The following SLC10A7 variants were observed in gnomAD, a reference collection of about 807,000 sequenced individuals.
SLC10A7 encodes the protein solute carrier family 10 member 7, also known as sodium/bile acid cotransporter 7.
A neutral mutation model predicts 43.2 loss-of-function variants in SLC10A7; 29 were observed. The observed-to-expected ratio is 0.67, with a 90% CI of 0.50 to 0.92. The LOEUF is 0.92. Among genes scored for constraint, SLC10A7 ranks in the 40% least tolerant of loss-of-function variants. The pLI is 0.00. For missense variants in SLC10A7, 295 were observed against 403.2 expected, an observed-to-expected ratio of 0.73 and a Z score of 2.30; for synonymous variants, 152 against 144.8, an observed-to-expected ratio of 1.05 and a Z score of -0.35.
chr4:146,323,020 C>G (rs1369770038), intron 6 of SLC10A7, among the ~76,000 whole-genome samples: 1 of 152,128 alleles, frequency 6.6e-6, no homozygotes, highest in Non-Finnish European at 1.5e-5. Context: ...TAAATGTTTT[C>G]TTCTGAGAAA....
chr4:146,458,886 C>A (rs1319917962), intron 4 of SLC10A7, among the ~76,000 whole-genome samples: 1 of 151,414 alleles, frequency 6.6e-6, no homozygotes, highest in African/African-American at 2.4e-5. Flanking sequence ...CCATGTAATA[C>A]TGAAAGAAAA....
At chr4:146,298,287 C>G (rs1474337311) in intron 7 of SLC10A7, among the ~76,000 whole-genome samples, 1 of 152,182 alleles carries the variant, frequency 6.6e-6, no homozygotes, top group Non-Finnish European at 1.5e-5. Flanking sequence ...GATGATGTTT[C>G]TATCACTGTT....
At chr4:146,477,772 C>T (rs951371093) in intron 4 of SLC10A7, 1 of 152,128 alleles carries the variant, frequency 6.6e-6, no homozygotes, top group African/African-American at 2.4e-5. Flanking sequence ...AGTTGAAATA[C>T]TTGTGCTTAA....
intron 4 of SLC10A7, among the ~76,000 whole-genome samples, chr4:146,468,972 A>G (rs7439492): frequency 0.83 from 125,531 of 152,020 alleles, 52,104 homozygotes; most frequent in East Asian, 0.96. Context: ...AACTTGTATG[A>G]AGAAGGTCTT....
intron 2 of SLC10A7, chr4:146,515,071 T>C (rs749484932): frequency 5.6e-5 from 39 of 700,714 alleles, no homozygotes; most frequent in Non-Finnish European, 9.1e-5. Flanking sequence ...AGAGAAATGC[T>C]GACAGCTGTG....
At chr4:146,393,268 CTTTACATGCATT>C (rs1002602297) in intron 5 of SLC10A7, among the ~76,000 whole-genome samples, 22 of 141,676 alleles carry the variant, frequency 1.6e-4, no homozygotes, top group African/African-American at 5.7e-4. Context: ...ATGCTCCATT[CTTTACATGCATT>C]TTTAAAATTT....
chr4:146,449,933 T>A (rs1731439937), intron 4 of SLC10A7, among the ~76,000 whole-genome samples: 1 of 151,958 alleles, frequency 6.6e-6, no homozygotes, highest in African/African-American at 2.4e-5. Flanking sequence ...TAATCAAAAG[T>A]GACCAGAAAA....
chr4:146,427,940 G>A (rs1729491107), intron 5 of SLC10A7, among the ~76,000 whole-genome samples: 1 of 152,198 alleles, frequency 6.6e-6, no homozygotes, highest in South Asian at 2.1e-4. Context: ...GGAGGTTGAG[G>A]CAGGATAATT....
intron 1 of SLC10A7, among the ~76,000 whole-genome samples, chr4:146,521,132 A>T (rs958627162): frequency 6.6e-6 from 1 of 152,078 alleles, no homozygotes; most frequent in South Asian, 2.1e-4. Flanking sequence ...AACTACAGCA[A>T]ATCATCACTC....
At chr4:146,487,040 T>C (rs924745925) in intron 4 of SLC10A7, among the ~76,000 whole-genome samples, 1 of 152,176 alleles carries the variant, frequency 6.6e-6, no homozygotes, top group African/African-American at 2.4e-5. Flanking sequence ...CCAGTGCAGG[T>C]AATCCTGTTC....
At chr4:146,413,237 A>G (rs922202901) in intron 5 of SLC10A7, among the ~76,000 whole-genome samples, 1 of 152,130 alleles carries the variant, frequency 6.6e-6, no homozygotes, top group African/African-American at 2.4e-5. Flanking sequence ...AGACAGTTTA[A>G]TTCCAATTAT....
chr4:146,390,473 AC>A (rs1738346405), intron 5 of SLC10A7, among the ~76,000 whole-genome samples: 2 of 152,086 alleles, frequency 1.3e-5, no homozygotes, highest in Admixed American at 1.3e-4. Context: ...TACAAAAAAT[AC>A]AAAAAATTAG....
At chr4:146,356,313 A>G (rs1439641507) in intron 5 of SLC10A7, among the ~76,000 whole-genome samples, 1 of 152,150 alleles carries the variant, frequency 6.6e-6, no homozygotes, top group Non-Finnish European at 1.5e-5. Context: ...GTTTTACATA[A>G]TCACTTAATC....
chr4:146,490,307 ATTCATG>A (rs1735278369), intron 4 of SLC10A7, among the ~76,000 whole-genome samples: 1 of 152,212 alleles, frequency 6.6e-6, no homozygotes, highest in East Asian at 1.9e-4. Flanking sequence ...TGCAATGAGT[ATTCATG>A]AGGGCTTATT....
chr4:146,497,648 C>A (rs1206458583), intron 4 of SLC10A7, among the ~76,000 whole-genome samples: 1 of 152,096 alleles, frequency 6.6e-6, no homozygotes, highest in Non-Finnish European at 1.5e-5. Context: ...GAAGACAATG[C>A]CTCTTTCCCA....
intron 5 of SLC10A7, among the ~76,000 whole-genome samples, chr4:146,397,512 T>C (rs1446423930): frequency 6.6e-6 from 1 of 152,170 alleles, no homozygotes; most frequent in Non-Finnish European, 1.5e-5. Flanking sequence ...ACCATAACTA[T>C]GTTCTGGTCT....
intron 6 of SLC10A7, among the ~76,000 whole-genome samples, chr4:146,315,829 T>C (rs1436614456): frequency 6.6e-6 from 1 of 152,128 alleles, no homozygotes; most frequent in Admixed American, 6.6e-5. Flanking sequence ...TTATTTTTCA[T>C]AGCAAATAAA....
In SLC10A7 at chr4:146,297,320, G is replaced by A. The variant is rs1730851738; in HGVS notation, c.556-3225C>T. Among the ~76,000 whole-genome samples the A allele has an allele frequency of 2.0e-5, 3 of 152,010 alleles. No individual in the cohort carries two copies. The South Asian group carries it at 6.2e-4, about 31-fold the overall frequency. The stretch of plus-strand genomic sequence containing the variant: ...ATTCTAAATTAAATAGCAGGAAAGG[G>A]TAAAGGAAAACTTAAATTTGACTCT... On this transcript the variant is annotated intron_variant, in intron 7 of 11. Transcript: ENST00000335472.
intron 4 of SLC10A7, among the ~76,000 whole-genome samples, chr4:146,494,965 T>G (rs1055043558): frequency 1.3e-5 from 2 of 152,190 alleles, no homozygotes; most frequent in Non-Finnish European, 2.9e-5. Flanking sequence ...AGTCAACTCT[T>G]TCTACCTCCT....
Sources: gnomAD v4.1 joint callset for allele counts (sites outside exome capture counted in the v4.1 genomes callset) on GRCh38, gnomAD v4.1.1 for gene constraint, MANE v1.5 for transcripts, NCBI Gene and HGNC (gene_info 2026-07-23, HGNC 2026-07-21) for gene names.